The following C6 variants were observed in gnomAD, a reference collection of about 807,000 sequenced individuals.
The protein encoded by C6 is complement component C6.
In C6, 101 loss-of-function variants were observed where a neutral mutation model predicts 112.9. The observed-to-expected ratio is 0.89, with a 90% CI of 0.76 to 1.06. The LOEUF is 1.06. Ranked by LOEUF, C6 falls within the 50% of genes least tolerant of loss-of-function variation. The pLI is 0.00. For missense variants in C6, 1,202 were observed against 1,104.6 expected, an observed-to-expected ratio of 1.09 and a Z score of -1.25; for synonymous variants, 431 against 384.1, an observed-to-expected ratio of 1.12 and a Z score of -1.43.
intron 1 of C6, among the ~76,000 whole-genome samples, chr5:41,233,730 C>G (rs1303017540): frequency 6.6e-6 from 1 of 152,022 alleles, no homozygotes; most frequent in African/African-American, 2.4e-5. Flanking sequence ...AAAGACCTAT[C>G]TAATCTTAGA....
intron 9 of C6, among the ~76,000 whole-genome samples, chr5:41,163,035 T>C (rs1378276765): frequency 6.6e-6 from 1 of 152,098 alleles, no homozygotes; most frequent in Admixed American, 6.6e-5. Context: ...GTGAGGGGCA[T>C]GGGATCCTGA....
chr5:41,194,045 G>A (rs557142172), intron 5 of C6, among the ~76,000 whole-genome samples: 3 of 152,104 alleles, frequency 2.0e-5, no homozygotes, highest in Non-Finnish European at 2.9e-5. Context: ...CATAGCATGT[G>A]GTCCTCCCCA....
At chr5:41,227,592 T>C (rs553380019) in intron 1 of C6, among the ~76,000 whole-genome samples, 1 of 152,250 alleles carries the variant, frequency 6.6e-6, no homozygotes, top group East Asian at 1.9e-4. Flanking sequence ...TTCAGAGTTT[T>C]CTTCCAATAG....
intron 1 of C6, among the ~76,000 whole-genome samples, chr5:41,227,033 C>A (rs1739557679): frequency 6.6e-6 from 1 of 152,148 alleles, no homozygotes; most frequent in Non-Finnish European, 1.5e-5. Flanking sequence ...AACCTCCATA[C>A]TGTTTTCTAT....
chr5:41,212,809 G>T (rs1752030504), intron 1 of C6: 1 of 152,118 alleles, frequency 6.6e-6, no homozygotes, highest in African/African-American at 2.4e-5. Flanking sequence ...AGCATTTAGA[G>T]AATTTCAATT....
At chr5:41,186,347 C>CT (rs34008191) in intron 5 of C6, 139 bp from the exon 6 acceptor site, 307,857 of 813,658 alleles carry the variant, frequency 0.38, 60,208 homozygotes, top group African/African-American at 0.44. Context: ...CACACCTCCG[C>CT]TTTTTTTTCC....
rs550413386 is a variant in C6 at position 41,223,297 on chromosome 5, C to G, written c.-20-20047G>C. 1.6e-4 allele frequency among the ~76,000 whole-genome samples: 25 copies of G among 152,278 alleles called. No homozygotes were observed. The Middle Eastern group carries it at 0.014, about 83-fold the overall frequency. On this transcript the variant is annotated intron_variant, in intron 1 of 17. Coordinates refer to the C6 transcript ENST00000263413. ...TGATGATTTCGTTATTCTCCAAGGA[C>G]TAGATGGTTGAATAAATCTGTACTT...
chr5:41,189,239 A>T (rs1436693421), intron 5 of C6, among the ~76,000 whole-genome samples: 1 of 152,084 alleles, frequency 6.6e-6, no homozygotes, highest in Non-Finnish European at 1.5e-5. Flanking sequence ...AATTAAATGT[A>T]TAATTACCAT....
At chr5:41,230,603 T>G (rs1240382452) in intron 1 of C6, among the ~76,000 whole-genome samples, 1 of 152,166 alleles carries the variant, frequency 6.6e-6, no homozygotes, top group Non-Finnish European at 1.5e-5. Flanking sequence ...CAGCAGGACA[T>G]AGACCCTCAT....
chr5:41,157,073 C>T (rs1229359024), intron 13 of C6, among the ~76,000 whole-genome samples: 1 of 152,030 alleles, frequency 6.6e-6, no homozygotes, highest in Non-Finnish European at 1.5e-5. Context: ...ATACAAGGGG[C>T]ATTTTGCCAC....
intron 1 of C6, among the ~76,000 whole-genome samples, chr5:41,259,731 C>T (rs771518429): frequency 6.6e-6 from 1 of 152,112 alleles, no homozygotes; most frequent in African/African-American, 2.4e-5. Context: ...ATTTTATTGG[C>T]CTGAGGCTGC....
chr5:41,149,286 C>T lies in C6; in HGVS notation c.2578G>A (p.Glu860Lys). The T allele has an allele frequency of 6.2e-7, 1 of 1,614,030 alleles. No individual in the cohort carries two copies. Among genetic ancestry groups the T allele is most frequent in the Non-Finnish European group, 8.5e-7 (1 of 1,179,956 alleles). Residue 860 changes from glutamate (E) to lysine (K), a missense_variant, in exon 17 of 18, where the codon GAA becomes AAA. Transcript: ENST00000337836. ...TAGCAGGTGTCATAGCCACAGGATT[C>T]TTTCTTTGTGCTGTTGGATGAAAGT... ...TRLSSNSTKK[E>K]SCGYDTCYDW...
intron 5 of C6, among the ~76,000 whole-genome samples, chr5:41,195,196 T>C (rs1242308164): frequency 6.6e-6 from 1 of 152,218 alleles, no homozygotes; most frequent in Non-Finnish European, 1.5e-5. Context: ...ACTTCACCTC[T>C]TACTCTCTTA....
At chr5:41,216,574 A>T (rs1381767692), upstream of C6, among the ~76,000 whole-genome samples, 1 of 152,118 alleles carries the variant, frequency 6.6e-6, no homozygotes, top group East Asian at 1.9e-4. Context: ...CAGAGATCAC[A>T]TCCTCACTCC....
At chr5:41,143,039 A>C in intron 17 of C6, 33 bp from the exon 18 acceptor site, 3 of 1,590,776 alleles carry the variant, frequency 1.9e-6, no homozygotes, top group Non-Finnish European at 2.6e-6. Context: ...AGTGTGACTT[A>C]CCACAGTACA....
In C6 at chr5:41,245,615, A is replaced by G. The variant is rs553599988; in HGVS notation, c.-21+15579T>C. 1.5e-3 allele frequency among the ~76,000 whole-genome samples: 230 copies of G among 152,310 alleles called. 2 individuals are homozygous for G. Among genetic ancestry groups the G allele is most frequent in the African/African-American group, 5.3e-3 (219 of 41,568 alleles). On this transcript the variant is annotated intron_variant, in intron 1 of 17. Transcript: ENST00000263413. ...TTCAATTTCTGTACCTTAATTTGCA[A>G]AGTGGCTTTCAAAAAAAATCACAAT...
intron 1 of C6, among the ~76,000 whole-genome samples, chr5:41,227,296 A>G (rs923488789): frequency 6.7e-6 from 1 of 149,516 alleles, no homozygotes; most frequent in Non-Finnish European, 1.5e-5. Flanking sequence ...CCATTTTTTA[A>G]TTGTTTTTTT....
chr5:41,154,358 G>A (rs1157788754), intron 14 of C6, among the ~76,000 whole-genome samples: 1 of 152,238 alleles, frequency 6.6e-6, no homozygotes, highest in Non-Finnish European at 1.5e-5. Flanking sequence ...GATGCAGAGT[G>A]ATGGGCATTC....
At chr5:41,154,035 G>A (rs1580052265) in intron 14 of C6, 37 bp from the exon 15 acceptor site, 1 of 1,591,510 alleles carries the variant, frequency 6.3e-7, no homozygotes, top group Non-Finnish European at 8.6e-7. Flanking sequence ...GTTTAGTGGA[G>A]CAGAATAAAC....
Sources: gnomAD v4.1 joint callset for allele counts (sites outside exome capture counted in the v4.1 genomes callset) on GRCh38, gnomAD v4.1.1 for gene constraint, MANE v1.5 for transcripts, NCBI Gene and HGNC (gene_info 2026-07-23, HGNC 2026-07-21) for gene names.